The following HYCC1 variants were observed in gnomAD, a reference collection of about 807,000 sequenced individuals.
HYCC1 encodes hyccin PI4KA lipid kinase complex subunit 1.
At chr7:22,956,694 T>C in the HYCC1 span, among the ~76,000 whole-genome samples, 1 of 151,854 alleles carries the variant, frequency 6.6e-6, no homozygotes, top group Admixed American at 6.6e-5. Context: ...AGGCTATGAA[T>C]GTGGGGTCAT....
At chr7:22,929,794 A>G in the HYCC1 span, among the ~76,000 whole-genome samples, 4 of 152,192 alleles carry the variant, frequency 2.6e-5, no homozygotes, top group African/African-American at 7.2e-5. Context: ...CGATTCCTCA[A>G]GGATCTAGAA....
chr7:22,945,302 T>C, the HYCC1 span: 1 of 455,486 alleles, frequency 2.2e-6, no homozygotes, highest in Non-Finnish European at 4.0e-6. Flanking sequence ...AGACAACCTG[T>C]CAAAATTTAT....
chr7:22,985,837 T>C, the HYCC1 span: 1 of 148,798 alleles, frequency 6.7e-6, no homozygotes, highest in African/African-American at 2.4e-5. Context: ...TTTATATATA[T>C]AAAATGCATT....
At chr7:22,964,931 C>A in the HYCC1 span, among the ~76,000 whole-genome samples, 1 of 151,908 alleles carries the variant, frequency 6.6e-6, no homozygotes. Flanking sequence ...GCCAGGAGTT[C>A]GAGACCAGCC....
At chr7:22,897,403 C>T in the HYCC1 span, among the ~76,000 whole-genome samples, 7 of 152,052 alleles carry the variant, frequency 4.6e-5, no homozygotes, top group Non-Finnish European at 7.3e-5. Flanking sequence ...CAAGAGTGGA[C>T]TCCAGAAGAG....
At chr7:22,940,247 T>C in the HYCC1 span, 1 of 76,718 alleles carries the variant, frequency 1.3e-5, no homozygotes, top group Admixed American at 1.4e-4. Context: ...TTTTTTTTTT[T>C]TTTTTTTTTT....
the HYCC1 span, among the ~76,000 whole-genome samples, chr7:22,990,693 C>T: frequency 6.6e-6 from 1 of 152,188 alleles, no homozygotes; most frequent in South Asian, 2.1e-4. Context: ...ATCTTCCCAT[C>T]CTCTCCTCAT....
the HYCC1 span, among the ~76,000 whole-genome samples, chr7:23,001,193 T>C: frequency 1.3e-5 from 2 of 152,294 alleles, no homozygotes; most frequent in African/African-American, 4.8e-5. Flanking sequence ...TCTGGCACTA[T>C]GCTAAGCGAT....
the HYCC1 span, among the ~76,000 whole-genome samples, chr7:22,919,610 A>T: frequency 6.6e-6 from 1 of 152,196 alleles, no homozygotes. Context: ...ATTATTAAAA[A>T]AAAAAAACTA....
chr7:22,959,953 T>C, the HYCC1 span, among the ~76,000 whole-genome samples: 1 of 152,232 alleles, frequency 6.6e-6, no homozygotes, highest in African/African-American at 2.4e-5. Context: ...CAAATACTTT[T>C]GAATACAAGC....
At chr7:22,993,786 T>C in the HYCC1 span, among the ~76,000 whole-genome samples, 22 of 152,204 alleles carry the variant, frequency 1.4e-4, no homozygotes, top group Non-Finnish European at 2.1e-4. Context: ...CAATCAATAT[T>C]CAGACACAGC....
the HYCC1 span, among the ~76,000 whole-genome samples, chr7:22,979,620 T>C: frequency 6.6e-6 from 1 of 152,190 alleles, no homozygotes; most frequent in Non-Finnish European, 1.5e-5. Flanking sequence ...ATCAATAATC[T>C]TGAATTGTGG....
the HYCC1 span, chr7:22,947,073 G>A: frequency 1.9e-6 from 3 of 1,550,392 alleles, no homozygotes; most frequent in Non-Finnish European, 2.6e-6. Context: ...TTTGCTCTCA[G>A]TTCTAGGATC....
chr7:22,985,810 C>T, the HYCC1 span: 1 of 148,748 alleles, frequency 6.7e-6, no homozygotes, highest in African/African-American at 2.5e-5. Context: ...AAAAATAAAT[C>T]TAAATTATAT....
the HYCC1 span, among the ~76,000 whole-genome samples, chr7:23,009,003 G>C: frequency 6.6e-6 from 1 of 151,918 alleles, no homozygotes; most frequent in Non-Finnish European, 1.5e-5. Context: ...TTAGCAATCT[G>C]TTTAAAAAGA....
chr7:22,982,291 G>C, the HYCC1 span, among the ~76,000 whole-genome samples: 1 of 152,248 alleles, frequency 6.6e-6, no homozygotes, highest in Non-Finnish European at 1.5e-5. Flanking sequence ...GAAGAGACAA[G>C]ACAAATATGA....
the HYCC1 span, chr7:22,940,103 A>C: frequency 6.6e-6 from 1 of 152,164 alleles, no homozygotes; most frequent in Non-Finnish European, 1.5e-5. Context: ...GTTCTCTACA[A>C]GTACCCTTCT....
chr7:22,957,986 A>C, the HYCC1 span, among the ~76,000 whole-genome samples: 339 of 151,646 alleles, frequency 2.2e-3, 1 homozygote, highest in Non-Finnish European at 4.1e-3. Flanking sequence ...TAAATTAAAA[A>C]ATCTATAATT....
At chr7:22,978,915 T>C in the HYCC1 span, among the ~76,000 whole-genome samples, 2 of 152,166 alleles carry the variant, frequency 1.3e-5, no homozygotes, top group South Asian at 2.1e-4. Context: ...ATCCAGTTAA[T>C]AGAGCTGACT....
Sources: allele counts gnomAD v4.1 joint callset (sites outside exome capture counted in the v4.1 genomes callset), GRCh38; gene constraint gnomAD v4.1.1; transcripts MANE v1.5; gene names NCBI Gene and HGNC (gene_info 2026-07-23, HGNC 2026-07-21).